The following ATP8A2 variants were observed in gnomAD, a reference collection of about 807,000 sequenced individuals.
The protein encoded by ATP8A2 is ATPase phospholipid transporting 8A2.
In ATP8A2, 100 loss-of-function variants were observed where a neutral mutation model predicts 165.6. That is an observed-to-expected ratio of 0.60 (90% CI 0.51 to 0.71). ATP8A2 has a LOEUF of 0.71. Among genes scored for constraint, ATP8A2 ranks in the 30% least tolerant of loss-of-function variants. The pLI, the probability that ATP8A2 is intolerant of heterozygous loss-of-function variation, is 0.00. For missense variants in ATP8A2, 1,227 were observed against 1,479.5 expected, an observed-to-expected ratio of 0.83 and a Z score of 2.80; for synonymous variants, 543 against 548.8, an observed-to-expected ratio of 0.99 and a Z score of 0.15.
chr13:25,792,722 G>T (rs2138413545), intron 27 of ATP8A2, among the ~76,000 whole-genome samples: 1 of 152,012 alleles, frequency 6.6e-6, no homozygotes, highest in South Asian at 2.1e-4. Context: ...AGCAGTGTTG[G>T]CAACAAAGTG....
At chr13:25,860,650 C>T (rs1310098984) in intron 31 of ATP8A2, among the ~76,000 whole-genome samples, 154 bp from the exon 32 acceptor site, 1 of 152,196 alleles carries the variant, frequency 6.6e-6, no homozygotes, top group African/African-American at 2.4e-5. Flanking sequence ...CTGAAAATAA[C>T]CCTTAGAGAA....
At chr13:25,682,210 G>A (rs183090243) in intron 24 of ATP8A2, among the ~76,000 whole-genome samples, 13 of 152,174 alleles carry the variant, frequency 8.5e-5, no homozygotes, top group Middle Eastern at 3.4e-3. Flanking sequence ...TCTGTTAGCC[G>A]CACTCCATTG....
intron 2 of ATP8A2, among the ~76,000 whole-genome samples, chr13:25,525,803 T>A (rs1415134514): frequency 6.6e-6 from 1 of 152,176 alleles, no homozygotes; most frequent in Non-Finnish European, 1.5e-5. Context: ...GGGTCAGATC[T>A]GTTTGTTGTT....
At chr13:25,394,326 A>G (rs1368284115) in intron 1 of ATP8A2, among the ~76,000 whole-genome samples, 2 of 152,260 alleles carry the variant, frequency 1.3e-5, no homozygotes, top group East Asian at 1.9e-4. Flanking sequence ...GCAGGCATCA[A>G]CAAAGATGTT....
chr13:25,995,986 A>G (rs996774909), intron 35 of ATP8A2, among the ~76,000 whole-genome samples: 23 of 152,192 alleles, frequency 1.5e-4, no homozygotes, highest in Admixed American at 4.6e-4. Context: ...CAGGATTGCT[A>G]TGTATTCTGA....
intron 24 of ATP8A2, among the ~76,000 whole-genome samples, chr13:25,595,619 C>G (rs1264222978): frequency 6.6e-6 from 1 of 152,112 alleles, no homozygotes; most frequent in Non-Finnish European, 1.5e-5. Context: ...CGATTGGGCC[C>G]CTGGATGACT....
At position 25,847,688 on chromosome 13, in the gene ATP8A2, C is replaced by T. The variant is rs115159547; in HGVS notation, c.2956+8064C>T. Among the ~76,000 whole-genome samples, 411 of 152,232 alleles carry T rather than the reference C, an allele frequency of 2.7e-3. 3 individuals are homozygous for T. Among genetic ancestry groups the T allele is most frequent in the African/African-American group, 9.2e-3 (383 of 41,540 alleles). ...ATCCAGTGGAGAAGTGCATTGTTCGCGGGTGTGTTGAGTATGTTTTTCTTA... is the reference window on the plus strand; with the variant it reads ...ATCCAGTGGAGAAGTGCATTGTTCGTGGGTGTGTTGAGTATGTTTTTCTTA... On this transcript the variant is annotated intron_variant, in intron 30 of 36. Transcript: ENST00000381655.
chr13:25,492,011 G>A (rs910470373), intron 2 of ATP8A2, among the ~76,000 whole-genome samples: 11 of 152,018 alleles, frequency 7.2e-5, no homozygotes, highest in Non-Finnish European at 1.3e-4. Context: ...TTTTTTGGAC[G>A]ATAAAAATTT....
chr13:25,577,004 T>A, intron 19 of ATP8A2, 65 bp from the exon 20 acceptor site: 1 of 1,320,788 alleles, frequency 7.6e-7, no homozygotes, highest in Non-Finnish European at 1.1e-6. Context: ...TTGATTGGTG[T>A]TCAGCTGTGG....
chr13:25,391,619 C>A lies in ATP8A2; in HGVS notation c.76+19331C>A, dbSNP rs114308960. Among the ~76,000 whole-genome samples, 683 of 152,328 alleles carry A rather than the reference C, an allele frequency of 4.5e-3. 8 individuals are homozygous for A. The highest frequency in any genetic ancestry group is 0.015 in the African/African-American group (622 of 41,576). On this transcript the variant is annotated intron_variant, in intron 1 of 36. Coordinates refer to ENST00000381655, the MANE Select transcript of ATP8A2 (RefSeq NM_016529.6). ...CCTTGGGGGCAGGAAGCTCACCTTG[C>A]CATCTACTTCAGTGCCTTGAATATC...
chr13:25,626,379 T>C (rs1237089374), intron 24 of ATP8A2, among the ~76,000 whole-genome samples: 2 of 152,154 alleles, frequency 1.3e-5, no homozygotes, highest in African/African-American at 4.8e-5. Flanking sequence ...CACAAGAGCA[T>C]GTGTGTCAGC....
chr13:25,946,188 A>G (rs2139126212), intron 33 of ATP8A2, among the ~76,000 whole-genome samples: 1 of 152,146 alleles, frequency 6.6e-6, no homozygotes, highest in South Asian at 2.1e-4. Context: ...CTCACTCCCG[A>G]TTCACCACCT....
chr13:25,860,973 T>C, intron 32 of ATP8A2, 113 bp downstream of exon 32: 1 of 763,370 alleles, frequency 1.3e-6, no homozygotes, highest in Non-Finnish European at 2.2e-6. Context: ...TCTTTCAGAT[T>C]TTCTGTGTAA....
chr13:25,937,434 A>G (rs1278719048), intron 33 of ATP8A2, among the ~76,000 whole-genome samples: 2 of 140,624 alleles, frequency 1.4e-5, no homozygotes, highest in Non-Finnish European at 3.0e-5. Flanking sequence ...AGAAAAGGCT[A>G]ATTATTGTCC....
intron 24 of ATP8A2, among the ~76,000 whole-genome samples, chr13:25,693,671 G>GTC (rs71186897): frequency 0.39 from 58,189 of 148,770 alleles, 12,086 homozygotes; most frequent in Middle Eastern, 0.49. Flanking sequence ...AGATCTCTCT[G>GTC]TCTCTCTCTC....
chr13:25,385,684 T>A (rs1190646837), intron 1 of ATP8A2, among the ~76,000 whole-genome samples: 2 of 152,146 alleles, frequency 1.3e-5, no homozygotes, highest in African/African-American at 4.8e-5. Flanking sequence ...ATCCCCCTGG[T>A]GGGCTTAAGT....
At chr13:25,897,429 T>A (rs1230763865) in intron 33 of ATP8A2, among the ~76,000 whole-genome samples, 2 of 152,186 alleles carry the variant, frequency 1.3e-5, no homozygotes, top group Non-Finnish European at 2.9e-5. Context: ...CTTCCCTTTG[T>A]GGGCAACCCG....
At chr13:25,790,007 A>T (rs769386114) in intron 27 of ATP8A2, among the ~76,000 whole-genome samples, 2 of 152,230 alleles carry the variant, frequency 1.3e-5, no homozygotes, top group Non-Finnish European at 2.9e-5. Flanking sequence ...TGGTGCTGGG[A>T]TAACTGGTTA....
Position 25,961,571 on chromosome 13 carries a change from G to T in ATP8A2, c.3184-4G>T. The T allele has an allele frequency of 6.2e-7, 1 of 1,610,906 alleles. No homozygotes were observed. The highest frequency in any genetic ancestry group is 1.1e-5 in the South Asian group (1 of 90,964). On this transcript the variant is annotated splice_region_variant and splice_polypyrimidine_tract_variant and intron_variant, in intron 33 of 36. Coordinates refer to ENST00000381655, the MANE Select transcript of ATP8A2 (RefSeq NM_016529.6). ...CAAGCAAGTGTCACTTCTATTTCTT[G>T]CAGGCAACTATGGTCCTGAGCTCCG... is the stretch of plus-strand genomic sequence containing the variant.
Sources: allele counts gnomAD v4.1 joint callset (sites outside exome capture counted in the v4.1 genomes callset), GRCh38; gene constraint gnomAD v4.1.1; transcripts MANE v1.5; gene names NCBI Gene and HGNC (gene_info 2026-07-23, HGNC 2026-07-21).